Variants in HS6ST3 observed in about 807,000 individuals in gnomAD.
HS6ST3 encodes heparan-sulfate 6-O-sulfotransferase 3.
In HS6ST3, 12 loss-of-function variants were observed where a neutral mutation model predicts 36.7. That is an observed-to-expected ratio of 0.33 (90% CI 0.21 to 0.53). The LOEUF (loss-of-function observed/expected upper bound fraction) is 0.53, where lower values mean the gene tolerates loss of function less well. Among genes scored for constraint, HS6ST3 ranks in the 20% least tolerant of loss-of-function variants. HS6ST3 has a pLI of 0.95. For missense variants in HS6ST3, 584 were observed against 640.9 expected, an observed-to-expected ratio of 0.91 and a Z score of 0.96; for synonymous variants, 240 against 257.5, an observed-to-expected ratio of 0.93 and a Z score of 0.65.
chr13:96,801,983 C>G (rs764151669), intron 1 of HS6ST3, among the ~76,000 whole-genome samples: 1 of 152,116 alleles, frequency 6.6e-6, no homozygotes, highest in African/African-American at 2.4e-5. Context: ...TTGGCTTCCT[C>G]TAATGGCCAA....
Position 96,646,867 on chromosome 13 carries a change from T to C in HS6ST3, c.708-185623T>C, listed in dbSNP as rs956385886. Among the ~76,000 whole-genome samples the C allele has an allele frequency of 3.2e-4, 48 of 151,944 alleles. 1 individual carries two copies. The highest frequency in any genetic ancestry group is 1.0e-4 in the Non-Finnish European group (7 of 67,932). On this transcript the variant is annotated intron_variant, in intron 1 of 1. Transcript: ENST00000376705. ...AAATTTAATAACTGACTTTTTCCCC[T>C]TTTTCAAGTCACAATTTCAATGTAC...
At chr13:96,331,708 C>T (rs867164904) in intron 1 of HS6ST3, among the ~76,000 whole-genome samples, 1,739 of 152,306 alleles carry the variant, frequency 0.011, 34 homozygotes, top group African/African-American at 0.04. Context: ...GTGGGCTCCA[C>T]CCAGTTGGAG....
intron 1 of HS6ST3, among the ~76,000 whole-genome samples, chr13:96,795,985 C>T (rs781558051): frequency 6.6e-6 from 1 of 152,074 alleles, no homozygotes; most frequent in Admixed American, 6.6e-5. Flanking sequence ...TTTTGGAGAT[C>T]TCTGGAAGGA....
At chr13:96,549,011 G>A (rs1477019757) in intron 1 of HS6ST3, among the ~76,000 whole-genome samples, 1 of 152,212 alleles carries the variant, frequency 6.6e-6, no homozygotes, top group Admixed American at 6.5e-5. Context: ...CTTGAAGCCA[G>A]TTATGGTTAC....
chr13:96,349,027 T>A (rs571863143), intron 1 of HS6ST3, among the ~76,000 whole-genome samples: 2 of 152,358 alleles, frequency 1.3e-5, no homozygotes, highest in African/African-American at 4.8e-5. Context: ...CCTGGAACAC[T>A]GTTTTTGTCT....
chr13:96,094,129 C>T (rs1183732906), intron 1 of HS6ST3, among the ~76,000 whole-genome samples: 1 of 152,114 alleles, frequency 6.6e-6, no homozygotes. Flanking sequence ...ACTTACTAGC[C>T]ATGTACCCAG....
chr13:96,655,367 A>G (rs1416388605), intron 1 of HS6ST3, among the ~76,000 whole-genome samples: 2 of 152,142 alleles, frequency 1.3e-5, no homozygotes, highest in African/African-American at 2.4e-5. Context: ...AAAGTGTTGG[A>G]AAGCAAAAGA....
intron 1 of HS6ST3, among the ~76,000 whole-genome samples, chr13:96,790,270 TACACACAC>T (rs56867063): frequency 0.088 from 12,770 of 144,406 alleles, 595 homozygotes; most frequent in Non-Finnish European, 0.12. Context: ...AACACACATG[TACACACAC>T]ACACACACAC....
chr13:96,697,450 TA>T (rs1481899539), intron 1 of HS6ST3, among the ~76,000 whole-genome samples: 1 of 151,934 alleles, frequency 6.6e-6, no homozygotes, highest in Non-Finnish European at 1.5e-5. Flanking sequence ...GATAATGCAA[TA>T]AACTTTTTAG....
At chr13:96,726,017 A>G (rs1257187141) in intron 1 of HS6ST3, among the ~76,000 whole-genome samples, 1 of 151,802 alleles carries the variant, frequency 6.6e-6, no homozygotes, top group Non-Finnish European at 1.5e-5. Context: ...TTTGTATTTT[A>G]GGTAGAGACC....
chr13:96,419,768 A>C (rs1594776162), intron 1 of HS6ST3, among the ~76,000 whole-genome samples: 1 of 151,678 alleles, frequency 6.6e-6, no homozygotes, highest in Non-Finnish European at 1.5e-5. Flanking sequence ...TGGATGCATC[A>C]CTCCAGTCTC....
chr13:96,397,120 C>G (rs9300352), intron 1 of HS6ST3, among the ~76,000 whole-genome samples: 57,362 of 152,058 alleles, frequency 0.38, 11,537 homozygotes, highest in Non-Finnish European at 0.44. Context: ...AGGAGAATCG[C>G]TTGAACCCAG....
chr13:96,589,864 C>T (rs2056376291), intron 1 of HS6ST3, among the ~76,000 whole-genome samples: 1 of 152,134 alleles, frequency 6.6e-6, no homozygotes, highest in African/African-American at 2.4e-5. Flanking sequence ...GGAAACAATG[C>T]TTCTGCTCTC....
intron 1 of HS6ST3, among the ~76,000 whole-genome samples, chr13:96,607,762 CGT>C (rs1249718214): frequency 1.3e-5 from 2 of 152,078 alleles, no homozygotes; most frequent in African/African-American, 2.4e-5. Context: ...TGTATCATCC[CGT>C]GTCCTTGAGA....
At chr13:96,475,228 G>A (rs1026322598) in intron 1 of HS6ST3, among the ~76,000 whole-genome samples, 4 of 152,038 alleles carry the variant, frequency 2.6e-5, no homozygotes, top group South Asian at 2.1e-4. Context: ...TACCTTTCTC[G>A]TTTTGGATCA....
intron 1 of HS6ST3, among the ~76,000 whole-genome samples, chr13:96,127,051 A>G (rs1208838813): frequency 1.3e-5 from 2 of 152,190 alleles, no homozygotes; most frequent in Non-Finnish European, 2.9e-5. Flanking sequence ...ATCAAAGACA[A>G]TGAAGTGTTT....
At position 96,468,582 on chromosome 13, in the gene HS6ST3, AT is replaced by A. The variant is rs570712383; in HGVS notation, c.708-363907del. 4.5e-3 allele frequency among the ~76,000 whole-genome samples: 683 copies of A among 152,162 alleles called. 2 individuals carry two copies. The highest frequency in any genetic ancestry group is 0.024 in the Middle Eastern group (7 of 294). Reference sequence around the variant, plus strand: ...AATGAGGAAGCTAGAAGTAAAAGACATGCTGTTGCAGGGCTGTGGTTGAATT... The same window carrying A: ...AATGAGGAAGCTAGAAGTAAAAGACAGCTGTTGCAGGGCTGTGGTTGAATT... On this transcript the variant is annotated intron_variant, in intron 1 of 1. Coordinates refer to ENST00000376705, the MANE Select transcript of HS6ST3 (RefSeq NM_153456.4).
chr13:96,715,353 A>G (rs957318803), intron 1 of HS6ST3, among the ~76,000 whole-genome samples: 36 of 152,266 alleles, frequency 2.4e-4, no homozygotes, highest in African/African-American at 8.7e-4. Context: ...TTAGAGAAGT[A>G]CATTTGGTTC....
chr13:96,750,425 C>G (rs1876672260), intron 1 of HS6ST3, among the ~76,000 whole-genome samples: 1 of 152,210 alleles, frequency 6.6e-6, no homozygotes, highest in Non-Finnish European at 1.5e-5. Flanking sequence ...AGGCCACATC[C>G]TTTCTTCAGC....
Sources: allele counts gnomAD v4.1 joint callset (sites outside exome capture counted in the v4.1 genomes callset), GRCh38; gene constraint gnomAD v4.1.1; transcripts MANE v1.5; gene names NCBI Gene and HGNC (gene_info 2026-07-23, HGNC 2026-07-21).